ADAMTSL1: variants seen among roughly 807,000 people sequenced by gnomAD.
ADAMTSL1 encodes the protein ADAMTS like 1, also known as ADAMTS-like protein 1.
Under a neutral mutation model 201.8 loss-of-function variants are expected in ADAMTSL1, and 126 were observed. The ratio of observed to expected loss-of-function variants is 0.62; its 90% CI spans 0.54 to 0.72. The LOEUF (loss-of-function observed/expected upper bound fraction) is 0.72, where lower values mean the gene tolerates loss of function less well. ADAMTSL1 is among the 30% of genes least tolerant of loss of function. The probability of loss-of-function intolerance (pLI) is 0.00; values close to 1 mark genes in which losing one functional copy is unlikely to be tolerated. For synonymous variants in ADAMTSL1, 1,121 were observed against 903.4 expected (o/e 1.24, Z -4.32); for missense variants, 2,679 against 2,277.8 (o/e 1.18, Z -3.59).
chr9:18,415,379 C>G (rs576804139), intron 2 of ADAMTSL1, among the ~76,000 whole-genome samples: 63 of 152,178 alleles, frequency 4.1e-4, no homozygotes, highest in African/African-American at 1.5e-3. Flanking sequence ...AATCAAACTT[C>G]TAAAAATAAA....
chr9:18,181,502 A>G (rs897680130), intron 2 of ADAMTSL1, among the ~76,000 whole-genome samples: 2 of 151,860 alleles, frequency 1.3e-5, no homozygotes, highest in South Asian at 2.1e-4. Context: ...TTCTCAAAAG[A>G]AGACATTTAT....
At chr9:18,572,903 A>G (rs1822430712) in intron 3 of ADAMTSL1, among the ~76,000 whole-genome samples, 1 of 152,208 alleles carries the variant, frequency 6.6e-6, no homozygotes, top group Non-Finnish European at 1.5e-5. Flanking sequence ...TGGAGAGTCG[A>G]CGACAGTCTT....
At chr9:18,319,142 T>A (rs1007984771) in intron 2 of ADAMTSL1, among the ~76,000 whole-genome samples, 6 of 151,974 alleles carry the variant, frequency 3.9e-5, no homozygotes, top group African/African-American at 1.5e-4. Context: ...GCCCAGGAGT[T>A]CAAAGCTGCA....
In ADAMTSL1 at chr9:18,706,740, A is replaced by C; in HGVS notation, c.1575-7A>C. On this transcript the variant is annotated splice_region_variant and splice_polypyrimidine_tract_variant and intron_variant, in intron 13 of 28. Transcript: ENST00000380548. ...ATCCTGTCCTCTTGTTTGCTTGCCG[A>C]CTGCAGGTTCATCCCAGAGGCCTGG... is the stretch of plus-strand genomic sequence containing the variant. The C allele has an allele frequency of 6.3e-7, 1 of 1,590,026 alleles. No individual in the cohort carries two copies. Among genetic ancestry groups the C allele is most frequent in the Non-Finnish European group, 8.6e-7 (1 of 1,167,430 alleles).
chr9:18,830,693 G>A (rs571241833), intron 23 of ADAMTSL1, among the ~76,000 whole-genome samples: 2 of 152,178 alleles, frequency 1.3e-5, no homozygotes, highest in South Asian at 2.1e-4. Context: ...CGGACAAGGT[G>A]GAAGAGAAGA....
chr9:18,387,257 A>G (rs1737639635), intron 2 of ADAMTSL1, among the ~76,000 whole-genome samples: 1 of 152,272 alleles, frequency 6.6e-6, no homozygotes, highest in East Asian at 1.9e-4. Flanking sequence ...TAAGGTAAAT[A>G]AATAGTCATA....
At chr9:18,706,267 G>A (rs1162312092) in intron 13 of ADAMTSL1, among the ~76,000 whole-genome samples, 2 of 152,122 alleles carry the variant, frequency 1.3e-5, no homozygotes, top group Non-Finnish European at 2.9e-5. Context: ...GTGTCTTTTA[G>A]TATGTGAATG....
chr9:17,913,402 G>C (rs1196588511), intron 1 of ADAMTSL1, among the ~76,000 whole-genome samples: 1 of 152,094 alleles, frequency 6.6e-6, no homozygotes, highest in Non-Finnish European at 1.5e-5. Flanking sequence ...TCCTTGAAGA[G>C]GTCCTTCACA....
chr9:18,025,351 C>G (rs563754309), intron 1 of ADAMTSL1, among the ~76,000 whole-genome samples: 1 of 151,902 alleles, frequency 6.6e-6, no homozygotes, highest in South Asian at 2.1e-4. Flanking sequence ...CAGAAGATTA[C>G]TTGCTAGGTT....
chr9:18,262,445 T>A (rs1464051911), intron 2 of ADAMTSL1, among the ~76,000 whole-genome samples: 1 of 152,204 alleles, frequency 6.6e-6, no homozygotes, highest in Non-Finnish European at 1.5e-5. Flanking sequence ...TAACTAATTT[T>A]TAAAAATGTA....
In ADAMTSL1 at chr9:18,669,140, A is replaced by C. The variant is rs141694321; in HGVS notation, c.1086-6717A>C. On this transcript the variant is annotated intron_variant, in intron 9 of 28. Coordinates refer to ENST00000380548, the MANE Select transcript of ADAMTSL1 (RefSeq NM_001040272.6). ...CAGCACAGCCAGCACAGAACCATTA[A>C]CCATAACAATGCCAAGTCTGGGTGT... Among the ~76,000 whole-genome samples, 86 of 152,312 alleles carry C rather than the reference A, an allele frequency of 5.6e-4. No individual in the cohort carries two copies. In the East Asian group the frequency reaches 0.014, roughly 25 times the overall value.
chr9:18,058,546 T>G (rs1185194535), intron 1 of ADAMTSL1, among the ~76,000 whole-genome samples: 2 of 152,172 alleles, frequency 1.3e-5, no homozygotes, highest in Non-Finnish European at 2.9e-5. Flanking sequence ...TTTCAATGAT[T>G]ATAACTATAA....
At chr9:18,894,571 T>G (rs918061786) in intron 26 of ADAMTSL1, among the ~76,000 whole-genome samples, 3 of 151,720 alleles carry the variant, frequency 2.0e-5, no homozygotes, top group Admixed American at 6.6e-5. Flanking sequence ...AGGAAGGAAG[T>G]CAAAATTTGA....
intron 2 of ADAMTSL1, among the ~76,000 whole-genome samples, chr9:18,305,041 T>C (rs1367376534): frequency 6.6e-6 from 1 of 152,072 alleles, no homozygotes; most frequent in African/African-American, 2.4e-5. Context: ...AGACAGTGGG[T>C]GCAGCCCATG....
upstream of ADAMTSL1, chr9:18,474,022 A>G (rs563730602): frequency 3.1e-5 from 16 of 513,836 alleles, no homozygotes; most frequent in Admixed American, 7.0e-5. Flanking sequence ...CAGGAGCCTG[A>G]TTGGCTGGCT....
intron 26 of ADAMTSL1, among the ~76,000 whole-genome samples, chr9:18,904,633 CAAAAAAAAAA>C (rs71333072): frequency 0.2 from 2,960 of 14,758 alleles, 557 homozygotes; most frequent in Non-Finnish European, 0.29. Context: ...GACCCTGCCT[CAAAAAAAAAA>C]AAAAAAAAAA....
intron 2 of ADAMTSL1, among the ~76,000 whole-genome samples, chr9:18,181,059 G>A (rs1034164364): frequency 1.6e-4 from 25 of 152,240 alleles, no homozygotes; most frequent in Middle Eastern, 3.4e-3. Context: ...TTAATAAATG[G>A]TGCTGGGAAA....
intron 2 of ADAMTSL1, among the ~76,000 whole-genome samples, chr9:18,175,237 A>G (rs1488466879): frequency 6.6e-6 from 1 of 152,172 alleles, no homozygotes; most frequent in African/African-American, 2.4e-5. Context: ...GATGATCTTG[A>G]ACCCTAAGAT....
chr9:18,794,636 G>GT (rs1267509252), intron 19 of ADAMTSL1, among the ~76,000 whole-genome samples: 28 of 104,894 alleles, frequency 2.7e-4, no homozygotes, highest in East Asian at 1.2e-3. Flanking sequence ...GTTTTTTTTT[G>GT]TTGTTGTTGT....
Sources: allele counts gnomAD v4.1 joint callset (sites outside exome capture counted in the v4.1 genomes callset), GRCh38; gene constraint gnomAD v4.1.1; transcripts MANE v1.5; gene names NCBI Gene and HGNC (gene_info 2026-07-23, HGNC 2026-07-21).